NMBR: variants seen among roughly 807,000 people sequenced by gnomAD.
NMBR encodes the protein neuromedin-B receptor.
A neutral mutation model predicts 20.5 loss-of-function variants in NMBR; 16 were observed. The ratio of observed to expected loss-of-function variants is 0.78; its 90% CI spans 0.53 to 1.19. The LOEUF (loss-of-function observed/expected upper bound fraction) is 1.19, where lower values mean the gene tolerates loss of function less well. Among genes scored for constraint, NMBR ranks in the 50% most tolerant of loss-of-function variants. NMBR has a pLI of 0.00. For missense variants in NMBR, 582 were observed against 499.1 expected (o/e 1.17, Z -1.58); for synonymous variants, 212 against 196.6 (o/e 1.08, Z -0.65).
intron 1 of NMBR, among the ~76,000 whole-genome samples, chr6:142,090,211 C>T (rs145029193): frequency 2.0e-4 from 31 of 152,102 alleles, no homozygotes; most frequent in African/African-American, 7.0e-4. Context: ...TAACACTCTT[C>T]ATTAGGGAAA....
At chr6:142,121,440 C>T (rs1777942616) in intron 1 of NMBR, among the ~76,000 whole-genome samples, 1 of 151,844 alleles carries the variant, frequency 6.6e-6, no homozygotes. Context: ...TCTAGTTAGC[C>T]AAGCTGTGAA....
chr6:142,134,799 A>G, intron 1 of NMBR: 1 of 683,748 alleles, frequency 1.5e-6, no homozygotes, highest in Non-Finnish European at 2.6e-6. Flanking sequence ...TGGTTCCAGA[A>G]CACTTTGAAA....
At chr6:142,102,468 T>A (rs1777583068) in intron 1 of NMBR, among the ~76,000 whole-genome samples, 1 of 151,028 alleles carries the variant, frequency 6.6e-6, no homozygotes, top group African/African-American at 2.4e-5. Context: ...ATATCTATAA[T>A]ACCCAATGTA....
At chr6:142,125,804 G>A (rs1186309868) in intron 1 of NMBR, among the ~76,000 whole-genome samples, 6 of 151,746 alleles carry the variant, frequency 4.0e-5, no homozygotes, top group Admixed American at 3.9e-4. Context: ...GTGAAATAAT[G>A]ACCACAGTAA....
In NMBR at chr6:142,088,268, C is replaced by A. The variant is rs201782506; in HGVS notation, c.391G>T (p.Val131Leu). 2 of 1,613,240 alleles carry A rather than the reference C, an allele frequency of 1.2e-6. No homozygotes were observed. Among genetic ancestry groups the A allele is most frequent in the Non-Finnish European group, 1.7e-6 (2 of 1,180,010 alleles). The change falls in exon 2 of 4, where the codon GTG (valine) becomes TTG (leucine). Residue 131 changes from valine to leucine, a missense_variant. Physicochemically the swap from Val to Leu is conservative, Grantham distance 32. Coordinates refer to ENST00000258042, the MANE Select transcript of NMBR (RefSeq NM_002511.4). Reference sequence around the variant, plus strand: ...GCGCTGAGGGCAGTGAGAGTGAACACGGAAACCCCCACGGAAGTGAGCTGG... The same window carrying A: ...GCGCTGAGGGCAGTGAGAGTGAACAAGGAAACCCCCACGGAAGTGAGCTGG... The part of the protein sequence containing the change: ...VIQLTSVGVS[V>L]FTLTALSADR...
intron 1 of NMBR, among the ~76,000 whole-genome samples, chr6:142,117,743 G>GA (rs1777879011): frequency 6.6e-6 from 1 of 151,820 alleles, no homozygotes; most frequent in Non-Finnish European, 1.5e-5. Context: ...TGTCAAATAT[G>GA]AAAAAATCGT....
At chr6:142,134,045 G>C in intron 1 of NMBR, 1 of 671,924 alleles carries the variant, frequency 1.5e-6, no homozygotes, top group Non-Finnish European at 2.7e-6. Context: ...AAGTTTTTCT[G>C]TGTGCACATA....
chr6:142,085,536 T>C (rs1777183971), intron 2 of NMBR, among the ~76,000 whole-genome samples: 1 of 151,930 alleles, frequency 6.6e-6, no homozygotes, highest in African/African-American at 2.4e-5. Context: ...AAAAATAAAA[T>C]ATAATAATAA....
chr6:142,133,861 A>T (rs1237219272), intron 1 of NMBR: 1 of 692,872 alleles, frequency 1.4e-6, no homozygotes, highest in Admixed American at 2.0e-5. Flanking sequence ...TTAAACCTCC[A>T]ACTGTGATTG....
At chr6:142,096,335 A>T (rs1013138789) in intron 1 of NMBR, among the ~76,000 whole-genome samples, 6 of 152,138 alleles carry the variant, frequency 3.9e-5, no homozygotes, top group Non-Finnish European at 8.8e-5. Context: ...TGTGTCCCAG[A>T]GATTCTGGTA....
rs181070617 is a variant in NMBR, at chr6:142,112,382, G to A, written c.-663-23061C>T. On this transcript the variant is annotated intron_variant, in intron 1 of 3. Coordinates refer to ENST00000258042, the MANE Select transcript of NMBR (RefSeq NM_002511.4). ...AGCACTTCATATAGGTGAACAACTA[G>A]GCTTAGTTTTCAGTGGAAAAAGATG... Among the ~76,000 whole-genome samples, 157 of 152,248 alleles carry A rather than the reference G, an allele frequency of 1.0e-3. 4 individuals carry two copies. The highest frequency in any genetic ancestry group is 9.3e-3 in the Admixed American group (142 of 15,278).
At chr6:142,111,722 C>T (rs543693489) in intron 1 of NMBR, among the ~76,000 whole-genome samples, 27 of 152,270 alleles carry the variant, frequency 1.8e-4, no homozygotes, top group African/African-American at 6.3e-4. Flanking sequence ...AATGTCAATG[C>T]TGATTTAATC....
At chr6:142,091,792 T>C (rs928003458) in intron 1 of NMBR, among the ~76,000 whole-genome samples, 22 of 152,214 alleles carry the variant, frequency 1.4e-4, no homozygotes, top group African/African-American at 3.4e-4. Context: ...AAATGAAGTA[T>C]ACATTTTTAA....
At chr6:142,123,165 G>T (rs1777973785) in intron 1 of NMBR, among the ~76,000 whole-genome samples, 1 of 151,914 alleles carries the variant, frequency 6.6e-6, no homozygotes, top group East Asian at 1.9e-4. Context: ...TTCAAAAGAA[G>T]TTGATTCCAA....
chr6:142,107,934 G>C (rs1777689064), intron 1 of NMBR, among the ~76,000 whole-genome samples: 1 of 152,018 alleles, frequency 6.6e-6, no homozygotes, highest in Non-Finnish European at 1.5e-5. Context: ...TACAGTACTT[G>C]GAATGAAACA....
At chr6:142,137,101 C>A (rs1438227494) in intron 1 of NMBR, among the ~76,000 whole-genome samples, 1 of 151,842 alleles carries the variant, frequency 6.6e-6, no homozygotes, top group African/African-American at 2.4e-5. Context: ...TGGCCATTTT[C>A]ACGATATTGA....
intron 1 of NMBR, among the ~76,000 whole-genome samples, chr6:142,091,324 A>G (rs1008016509): frequency 6.6e-6 from 1 of 152,128 alleles, no homozygotes; most frequent in Non-Finnish European, 1.5e-5. Context: ...CTTCATTCAA[A>G]CAATTCTCCT....
At chr6:142,133,956 T>A in intron 1 of NMBR, 1 of 702,602 alleles carries the variant, frequency 1.4e-6, no homozygotes. Context: ...AATGAGGCCT[T>A]GCACTTCATT....
chr6:142,110,246 T>C (rs779976552), intron 1 of NMBR, among the ~76,000 whole-genome samples: 1 of 152,142 alleles, frequency 6.6e-6, no homozygotes, highest in Non-Finnish European at 1.5e-5. Flanking sequence ...CAATTAAAAA[T>C]ATATGTCTAC....
Sources: allele counts gnomAD v4.1 joint callset (sites outside exome capture counted in the v4.1 genomes callset), GRCh38; gene constraint gnomAD v4.1.1; transcripts MANE v1.5; gene names NCBI Gene and HGNC (gene_info 2026-07-23, HGNC 2026-07-21).